SMARCA1: variants seen among roughly 807,000 people sequenced by gnomAD.
The protein encoded by SMARCA1 is SWI/SNF-related matrix-associated actin-dependent regulator of chromatin subfamily A member 1.
A neutral mutation model predicts 93.6 loss-of-function variants in SMARCA1; 17 were observed. The observed-to-expected ratio is 0.18, with a 90% CI of 0.12 to 0.27. The LOEUF is 0.27. Ranked by LOEUF, SMARCA1 falls within the 10% of genes least tolerant of loss-of-function variation. SMARCA1 has a pLI of 1.00. For missense variants in SMARCA1, 630 were observed against 819.0 expected (o/e 0.77, Z 2.82); for synonymous variants, 271 against 271.4 (o/e 1.00, Z 0.01).
chrX:129,473,958 T>TA, intron 19 of SMARCA1, among the ~76,000 whole-genome samples: 1 of 111,864 alleles, frequency 8.9e-6, no homozygotes, highest in Non-Finnish European at 1.9e-5. Flanking sequence ...AATGTTACTT[T>TA]AAAAAATCAT....
At chrX:129,475,898 C>T (rs1471837477) in intron 19 of SMARCA1, among the ~76,000 whole-genome samples, 1 of 112,127 alleles carries the variant, frequency 8.9e-6, no homozygotes, top group Non-Finnish European at 1.9e-5. Flanking sequence ...GTAGGTGGCC[C>T]ACAATGACAC....
At chrX:129,512,886 AC>A (rs1396159705) in intron 5 of SMARCA1, among the ~76,000 whole-genome samples, 2 of 112,131 alleles carry the variant, frequency 1.8e-5, no homozygotes, top group East Asian at 5.6e-4. Context: ...CATTATTTAC[AC>A]TACACATCGG....
intron 9 of SMARCA1, among the ~76,000 whole-genome samples, 168 bp downstream of exon 9, chrX:129,504,566 A>AAAC (rs1934719010): frequency 1.0e-5 from 1 of 97,504 alleles, no homozygotes; most frequent in South Asian, 4.5e-4. Context: ...AAAAAAAAAA[A>AAAC]AAAAAAAAAA....
At chrX:129,464,710 A>T (rs1932865858) in intron 23 of SMARCA1, among the ~76,000 whole-genome samples, 1 of 112,548 alleles carries the variant, frequency 8.9e-6, no homozygotes, top group Admixed American at 9.4e-5. Context: ...TTAATTACAA[A>T]GGGGAAAACA....
chrX:129,489,811 G>A (rs1051652341), intron 15 of SMARCA1, among the ~76,000 whole-genome samples: 2 of 111,696 alleles, frequency 1.8e-5, no homozygotes, highest in Non-Finnish European at 3.8e-5. Context: ...CACCCGCCTC[G>A]GCCTCCCAAA....
chrX:129,487,237 A>T (rs1823434776), intron 16 of SMARCA1, 100 bp from the exon 17 acceptor site: 6 of 568,189 alleles, frequency 1.1e-5, no homozygotes, highest in Non-Finnish European at 1.6e-5. Flanking sequence ...GACATGAAAT[A>T]TCCAGTCTGC....
intron 23 of SMARCA1, among the ~76,000 whole-genome samples, chrX:129,457,773 C>T (rs1384723893): frequency 8.9e-6 from 1 of 111,943 alleles, no homozygotes; most frequent in Non-Finnish European, 1.9e-5. Context: ...GGTTGTAGGT[C>T]TAACTTTTGT....
rs1054163333 is a variant in SMARCA1 at position 129,511,690 on chromosome X, T to G, written c.810+114A>C. ...GAGTCTAGCTTAGAGTACATACACC[T>G]TAAGTCTTATTTAGTAGTAGTCAAC... On this transcript the variant is annotated intron_variant, in intron 6 of 24. Transcript: ENST00000371121. 5 of 550,409 alleles carry G rather than the reference T, an allele frequency of 9.1e-6. No individual in the cohort carries two copies. The African/African-American group carries it at 9.3e-5, about 10-fold the overall frequency. 45.4% of individuals were successfully genotyped at this position (550,409 alleles called of 1,213,427 possible).
At chrX:129,500,123 T>TAAAA (rs61313042) in intron 9 of SMARCA1, among the ~76,000 whole-genome samples, 5,987 of 87,312 alleles carry the variant, frequency 0.069, 460 homozygotes, top group African/African-American at 0.21. Context: ...AAAGAACCCT[T>TAAAA]AAAAAAAAAA....
chrX:129,476,587 A>T (rs991502203), intron 19 of SMARCA1, among the ~76,000 whole-genome samples: 1 of 111,327 alleles, frequency 9.0e-6, no homozygotes, highest in Non-Finnish European at 1.9e-5. Flanking sequence ...GGCATCACCT[A>T]TCTCCCCTTG....
At chrX:129,489,122 A>C (rs771116356) in intron 15 of SMARCA1, 37 bp from the exon 16 acceptor site, 4 of 943,340 alleles carry the variant, frequency 4.2e-6, no homozygotes, top group Non-Finnish European at 6.0e-6. Context: ...TATTCAATCA[A>C]TCATATTCCA....
In SMARCA1 at chrX:129,481,975, T is replaced by G. The variant is rs1361698785; in HGVS notation, c.2218-790A>C. Among the ~76,000 whole-genome samples, 7 of 101,659 alleles carry G rather than the reference T, an allele frequency of 6.9e-5. No individual in the cohort carries two copies. In the East Asian group the frequency reaches 2.2e-3, roughly 32 times the overall value. 88.3% of individuals were successfully genotyped at this position (101,659 alleles called of 115,157 possible). On this transcript the variant is annotated intron_variant, in intron 17 of 24. Transcript: ENST00000371121. Reference sequence around the variant, plus strand: ...GACTGGATTAAGAAAATGTGGCACATATACACCATGGAATACTATGCAGCC... The same window carrying G: ...GACTGGATTAAGAAAATGTGGCACAGATACACCATGGAATACTATGCAGCC...
intron 1 of SMARCA1, among the ~76,000 whole-genome samples, chrX:129,520,138 C>CGTGTGTGTGTGTGTGT (rs374631579): frequency 3.1e-5 from 3 of 96,741 alleles, no homozygotes; most frequent in East Asian, 3.3e-4. Context: ...AACCTTCTCT[C>CGTGTGTGTGTGTGTGT]GTGTGTGTGT....
At chrX:129,452,880 G>C (rs915772630) in intron 23 of SMARCA1, among the ~76,000 whole-genome samples, 1 of 111,772 alleles carries the variant, frequency 8.9e-6, no homozygotes, top group Admixed American at 9.5e-5. Flanking sequence ...TTTTCCAAGA[G>C]GATATGTTTA....
rs764660576 is a variant in SMARCA1 at position 129,504,092 on chromosome X, A to C, written c.1167+642T>G. ...CAGGAGTTCGAGATCAGCCTGGCCA[A>C]CATGGTGAAACCCCATCTCTACTAA... On this transcript the variant is annotated intron_variant, in intron 9 of 24. Coordinates refer to ENST00000371121, the MANE Select transcript of SMARCA1 (RefSeq NM_001282874.2). Among the ~76,000 whole-genome samples the C allele has an allele frequency of 2.7e-5, 3 of 110,564 alleles. No homozygotes were observed. The South Asian group carries it at 1.2e-3, about 43-fold the overall frequency.
At chrX:129,483,126 T>C (rs1933754889) in intron 17 of SMARCA1, among the ~76,000 whole-genome samples, 1 of 112,541 alleles carries the variant, frequency 8.9e-6, no homozygotes, top group Non-Finnish European at 1.9e-5. Flanking sequence ...GGCTACTCAA[T>C]ATAATTTAAC....
At chrX:129,493,434 T>G (rs1439563739) in intron 12 of SMARCA1, among the ~76,000 whole-genome samples, 1 of 111,628 alleles carries the variant, frequency 9.0e-6, no homozygotes, top group East Asian at 2.8e-4. Flanking sequence ...ATTACTTGCA[T>G]AATCACAAAG....
At chrX:129,475,754 G>T (rs1933351777) in intron 19 of SMARCA1, among the ~76,000 whole-genome samples, 1 of 111,828 alleles carries the variant, frequency 8.9e-6, no homozygotes, top group Non-Finnish European at 1.9e-5. Flanking sequence ...ACTTTTTTTG[G>T]CCTTGTTTCT....
intron 5 of SMARCA1, among the ~76,000 whole-genome samples, chrX:129,513,308 T>C (rs1259885137): frequency 3.7e-5 from 4 of 109,536 alleles, no homozygotes. Context: ...ATGGATCACC[T>C]GAAGTCAGGA....
Sources: gnomAD v4.1 joint callset for allele counts (sites outside exome capture counted in the v4.1 genomes callset) on GRCh38, gnomAD v4.1.1 for gene constraint, MANE v1.5 for transcripts, NCBI Gene and HGNC (gene_info 2026-07-23, HGNC 2026-07-21) for gene names.